Variants in PTPRO observed in about 807,000 individuals in gnomAD.
The protein encoded by PTPRO is protein tyrosine phosphatase receptor type O, also known as receptor-type tyrosine-protein phosphatase O.
A neutral mutation model predicts 145.2 loss-of-function variants in PTPRO; 62 were observed. The ratio of observed to expected loss-of-function variants is 0.43; its 90% CI spans 0.35 to 0.53. PTPRO has a LOEUF of 0.53. Among genes scored for constraint, PTPRO ranks in the 20% least tolerant of loss-of-function variants. The pLI is 0.01. For missense variants in PTPRO, 1,345 were observed against 1,482.7 expected, an observed-to-expected ratio of 0.91 and a Z score of 1.53; for synonymous variants, 565 against 514.7, an observed-to-expected ratio of 1.10 and a Z score of -1.32.
intron 1 of PTPRO, among the ~76,000 whole-genome samples, chr12:15,465,438 T>A (rs776144334): frequency 1.3e-5 from 2 of 152,220 alleles, no homozygotes; most frequent in Non-Finnish European, 2.9e-5. Context: ...AATACCTAAC[T>A]TGGGGACAGA....
intron 1 of PTPRO, among the ~76,000 whole-genome samples, chr12:15,481,722 T>C (rs535896600): frequency 6.6e-6 from 1 of 152,322 alleles, no homozygotes; most frequent in Admixed American, 6.5e-5. Flanking sequence ...TTAAATTTGT[T>C]TATGCCAGAC....
intron 1 of PTPRO, among the ~76,000 whole-genome samples, chr12:15,340,761 G>C (rs1866954217): frequency 6.6e-6 from 1 of 152,130 alleles, no homozygotes; most frequent in Non-Finnish European, 1.5e-5. Flanking sequence ...TTAGAAGCCT[G>C]TATGAGATTT....
chr12:15,549,000 T>G (rs1943378780), intron 13 of PTPRO, 94 bp from the exon 14 acceptor site: 3 of 1,342,984 alleles, frequency 2.2e-6, no homozygotes. Flanking sequence ...CATTTTTTAC[T>G]CTGTCAATCT....
rs901472444 is a variant in PTPRO at position 15,590,328 on chromosome 12, A to G, written c.3546+738A>G. 1.3e-4 allele frequency among the ~76,000 whole-genome samples: 20 copies of G among 152,118 alleles called. No homozygotes were observed. The East Asian group carries it at 3.5e-3, about 26-fold the overall frequency. Reference sequence around the variant, plus strand: ...GGTGTGTACCCTTGTGGGCGCAAAAACCCAAGTACAACAGCTTGTTCATAA... The same window carrying G: ...GGTGTGTACCCTTGTGGGCGCAAAAGCCCAAGTACAACAGCTTGTTCATAA... On this transcript the variant is annotated intron_variant, in intron 25 of 26. Transcript: ENST00000281171.
intron 1 of PTPRO, among the ~76,000 whole-genome samples, chr12:15,399,545 G>A (rs1198386022): frequency 1.3e-5 from 2 of 152,130 alleles, no homozygotes; most frequent in East Asian, 3.9e-4. Context: ...TTTGAAGGCA[G>A]GGGCCATTTC....
intron 1 of PTPRO, among the ~76,000 whole-genome samples, chr12:15,407,304 C>T (rs575406201): frequency 1.9e-4 from 29 of 152,316 alleles, no homozygotes; most frequent in African/African-American, 6.3e-4. Flanking sequence ...TTCAGTTTAT[C>T]TGAAGGCTCA....
intron 17 of PTPRO, among the ~76,000 whole-genome samples, chr12:15,563,198 T>A (rs1282871248): frequency 1.3e-5 from 2 of 152,120 alleles, no homozygotes; most frequent in African/African-American, 4.8e-5. Context: ...AAGTGCACAA[T>A]CCTCTATGCA....
intron 14 of PTPRO, 88 bp from the exon 15 acceptor site, chr12:15,551,463 C>T: frequency 6.6e-6 from 10 of 1,506,824 alleles, no homozygotes; most frequent in Middle Eastern, 1.7e-4. Context: ...AGCTCACTGC[C>T]CTTAAGACTA....
chr12:15,371,160 C>A (rs1445944573), intron 1 of PTPRO, among the ~76,000 whole-genome samples: 1 of 151,730 alleles, frequency 6.6e-6, no homozygotes, highest in Non-Finnish European at 1.5e-5. Flanking sequence ...AAGATGATAT[C>A]TTGTAAAACT....
intron 1 of PTPRO, among the ~76,000 whole-genome samples, chr12:15,346,878 AT>A (rs1867236639): frequency 6.6e-6 from 1 of 152,110 alleles, no homozygotes; most frequent in Non-Finnish European, 1.5e-5. Flanking sequence ...TCATGATCTG[AT>A]TTATTATCAC....
chr12:15,402,943 A>G (rs1471363169), intron 1 of PTPRO, among the ~76,000 whole-genome samples: 1 of 152,210 alleles, frequency 6.6e-6, no homozygotes, highest in Non-Finnish European at 1.5e-5. Context: ...AATGCACTGT[A>G]GAGTCAGCAA....
intron 1 of PTPRO, among the ~76,000 whole-genome samples, chr12:15,410,974 TG>T (rs1226420320): frequency 6.6e-6 from 1 of 152,214 alleles, no homozygotes; most frequent in Non-Finnish European, 1.5e-5. Context: ...AATTATGCAA[TG>T]TTTTTGATAA....
intron 1 of PTPRO, among the ~76,000 whole-genome samples, chr12:15,392,921 G>T (rs542645997): frequency 1.3e-5 from 2 of 152,140 alleles, no homozygotes; most frequent in East Asian, 3.9e-4. Flanking sequence ...TGAGGTAGAT[G>T]CTCCCTGATG....
At chr12:15,366,722 A>G (rs1257355403) in intron 1 of PTPRO, among the ~76,000 whole-genome samples, 1 of 152,130 alleles carries the variant, frequency 6.6e-6, no homozygotes, top group African/African-American at 2.4e-5. Flanking sequence ...TTTCATCTTC[A>G]CCTGTTGGAA....
At chr12:15,511,802 G>C (rs1055882818) in intron 7 of PTPRO, among the ~76,000 whole-genome samples, 2 of 152,156 alleles carry the variant, frequency 1.3e-5, no homozygotes, top group Non-Finnish European at 1.5e-5. Flanking sequence ...TTGACCTCAT[G>C]ATCTGCCCAC....
At chr12:15,378,174 T>TA (rs374049595) in intron 1 of PTPRO, among the ~76,000 whole-genome samples, 14 of 151,442 alleles carry the variant, frequency 9.2e-5, no homozygotes, top group East Asian at 5.8e-4. Context: ...AATGGAGAAT[T>TA]AAAAAAACAG....
chr12:15,365,246 C>T (rs1938326428), intron 1 of PTPRO, among the ~76,000 whole-genome samples: 1 of 152,130 alleles, frequency 6.6e-6, no homozygotes, highest in Non-Finnish European at 1.5e-5. Context: ...ACCTTCCTGC[C>T]TCTTTCTCCC....
At chr12:15,470,938 C>T (rs1183925434) in intron 1 of PTPRO, among the ~76,000 whole-genome samples, 1 of 152,100 alleles carries the variant, frequency 6.6e-6, no homozygotes. Flanking sequence ...TGTAATTGTG[C>T]TTTTTAATGA....
intron 1 of PTPRO, among the ~76,000 whole-genome samples, chr12:15,423,011 T>C (rs12582633): frequency 0.13 from 20,122 of 152,222 alleles, 1,520 homozygotes; most frequent in African/African-American, 0.21. Flanking sequence ...GCAAAGGGAA[T>C]TTATGTGTTT....
Sources: gnomAD v4.1 joint callset for allele counts (sites outside exome capture counted in the v4.1 genomes callset) on GRCh38, gnomAD v4.1.1 for gene constraint, MANE v1.5 for transcripts, NCBI Gene and HGNC (gene_info 2026-07-23, HGNC 2026-07-21) for gene names.